CDH13: variants seen among roughly 807,000 people sequenced by gnomAD.
CDH13 encodes cadherin-13.
Under a neutral mutation model 63.8 loss-of-function variants are expected in CDH13, and 24 were observed. That is an observed-to-expected ratio of 0.38 (90% CI 0.27 to 0.53). The LOEUF (loss-of-function observed/expected upper bound fraction) is 0.53, where lower values mean the gene tolerates loss of function less well. Among genes scored for constraint, CDH13 ranks in the 20% least tolerant of loss-of-function variants. CDH13 has a pLI of 0.85. For synonymous variants in CDH13, 503 were observed against 355.3 expected, an observed-to-expected ratio of 1.42 and a Z score of -4.67; for missense variants, 1,049 against 903.1, an observed-to-expected ratio of 1.16 and a Z score of -2.07.
chr16:83,167,499 C>CA (rs11430454), intron 4 of CDH13, among the ~76,000 whole-genome samples: 12,776 of 98,598 alleles, frequency 0.13, 779 homozygotes, highest in East Asian at 0.34. Flanking sequence ...GACCCTTTCC[C>CA]AAAAAAAAAA....
At chr16:83,050,447 G>C (rs1405310625) in intron 3 of CDH13, among the ~76,000 whole-genome samples, 1 of 152,130 alleles carries the variant, frequency 6.6e-6, no homozygotes, top group Non-Finnish European at 1.5e-5. Flanking sequence ...TCCGTTTGCT[G>C]TTTAAGACAC....
intron 4 of CDH13, among the ~76,000 whole-genome samples, chr16:83,157,762 A>T (rs1219754461): frequency 7.1e-6 from 1 of 141,670 alleles, no homozygotes; most frequent in Non-Finnish European, 1.5e-5. Context: ...AAAAAAAAAA[A>T]ATTATCTGGG....
intron 7 of CDH13, among the ~76,000 whole-genome samples, chr16:83,520,728 A>G (rs997184077): frequency 1.3e-5 from 2 of 152,144 alleles, no homozygotes; most frequent in Admixed American, 6.5e-5. Flanking sequence ...GGAATGTGGC[A>G]TCATCAATTT....
chr16:83,295,459 C>A (rs910541504), intron 5 of CDH13, among the ~76,000 whole-genome samples: 3 of 151,840 alleles, frequency 2.0e-5, no homozygotes, highest in African/African-American at 7.3e-5. Flanking sequence ...AAAATATTTG[C>A]AAACTGTACA....
chr16:82,902,923 T>C (rs2151247160), intron 2 of CDH13, among the ~76,000 whole-genome samples: 1 of 152,270 alleles, frequency 6.6e-6, no homozygotes, highest in East Asian at 1.9e-4. Context: ...ATTGGATGGG[T>C]CTTGGAGAAG....
In CDH13 at chr16:82,861,787, C is replaced by T. The variant is rs549997406; in HGVS notation, c.157+3314C>T. 1.2e-4 allele frequency among the ~76,000 whole-genome samples: 18 copies of T among 152,266 alleles called. No homozygotes were observed. In the South Asian group the frequency reaches 3.7e-3, roughly 32 times the overall value. ...TGGACTTGCTTTTGTCTTAAAAACG[C>T]CATTTTTCAACAATATGCTGGGACC... On this transcript the variant is annotated intron_variant, in intron 2 of 13. Coordinates refer to ENST00000567109, the MANE Select transcript of CDH13 (RefSeq NM_001257.5).
intron 2 of CDH13, among the ~76,000 whole-genome samples, chr16:82,925,442 C>G (rs1021966940): frequency 6.6e-6 from 1 of 152,188 alleles, no homozygotes; most frequent in Non-Finnish European, 1.5e-5. Flanking sequence ...ATGGGCTACA[C>G]CAGCTTTATG....
chr16:83,379,858 A>G (rs11862821), intron 6 of CDH13, among the ~76,000 whole-genome samples: 2,285 of 151,022 alleles, frequency 0.015, 61 homozygotes, highest in African/African-American at 0.053. Context: ...ATATAACCCA[A>G]TAATTTCTAT....
intron 4 of CDH13, among the ~76,000 whole-genome samples, chr16:83,155,775 T>C (rs951382009): frequency 6.6e-6 from 1 of 152,114 alleles, no homozygotes; most frequent in African/African-American, 2.4e-5. Flanking sequence ...AAACAGATGA[T>C]ATAAATACAG....
chr16:82,685,419 C>G (rs1914964842), intron 1 of CDH13, among the ~76,000 whole-genome samples: 1 of 152,176 alleles, frequency 6.6e-6, no homozygotes, highest in Non-Finnish European at 1.5e-5. Flanking sequence ...GACCTAATCA[C>G]CTCCCAAAGG....
intron 1 of CDH13, among the ~76,000 whole-genome samples, chr16:82,836,596 G>A (rs2151123448): frequency 6.6e-6 from 1 of 152,294 alleles, no homozygotes; most frequent in African/African-American, 2.4e-5. Flanking sequence ...CTTCAGAAGA[G>A]CACAGATAAG....
At chr16:82,934,037 C>T (rs138771479) in intron 2 of CDH13, among the ~76,000 whole-genome samples, 4 of 152,318 alleles carry the variant, frequency 2.6e-5, no homozygotes, top group African/African-American at 9.6e-5. Flanking sequence ...AGGACAGTGG[C>T]CCTTTTCTCA....
chr16:83,111,273 T>C (rs969745525), intron 3 of CDH13, among the ~76,000 whole-genome samples: 1 of 152,150 alleles, frequency 6.6e-6, no homozygotes, highest in Admixed American at 6.6e-5. Context: ...TAATTTCTAT[T>C]GATATAATAT....
intron 1 of CDH13, among the ~76,000 whole-genome samples, chr16:82,682,121 C>G (rs532613390): frequency 2.6e-4 from 40 of 152,332 alleles, no homozygotes; most frequent in African/African-American, 8.9e-4. Flanking sequence ...AAGACACTGG[C>G]TTGTGTTCAT....
chr16:83,265,046 T>G lies in CDH13; in HGVS notation c.636+47549T>G, dbSNP rs146154155. ...CTTCATTTGTTTAGTGTTCTATGTATTTTTTATTAAATCCTATGCCAAACA... is the reference window on the plus strand; with the variant it reads ...CTTCATTTGTTTAGTGTTCTATGTAGTTTTTATTAAATCCTATGCCAAACA... On this transcript the variant is annotated intron_variant, in intron 5 of 13. Coordinates refer to ENST00000567109, the MANE Select transcript of CDH13 (RefSeq NM_001257.5). Among the ~76,000 whole-genome samples the G allele has an allele frequency of 4.6e-5, 7 of 152,342 alleles. No individual in the cohort carries two copies. In the East Asian group the frequency reaches 1.3e-3, roughly 29 times the overall value.
At chr16:82,669,411 A>G (rs761739469) in intron 1 of CDH13, among the ~76,000 whole-genome samples, 2 of 152,230 alleles carry the variant, frequency 1.3e-5, no homozygotes, top group Non-Finnish European at 2.9e-5. Flanking sequence ...AAGTCTACAG[A>G]GAAAATAGTG....
At chr16:83,281,459 A>C (rs1169160060) in intron 5 of CDH13, among the ~76,000 whole-genome samples, 2 of 152,222 alleles carry the variant, frequency 1.3e-5, no homozygotes, top group Non-Finnish European at 2.9e-5. Context: ...CCACATCAGC[A>C]ATAAGGCAGT....
At chr16:83,501,581 C>G (rs547562038) in intron 7 of CDH13, among the ~76,000 whole-genome samples, 1 of 152,202 alleles carries the variant, frequency 6.6e-6, no homozygotes, top group East Asian at 1.9e-4. Flanking sequence ...CCAGGCATTA[C>G]ATTAGGTCCA....
chr16:82,635,964 G>GT (rs1279673076), intron 1 of CDH13, among the ~76,000 whole-genome samples: 1 of 152,044 alleles, frequency 6.6e-6, no homozygotes, highest in Non-Finnish European at 1.5e-5. Context: ...TGCCACGATT[G>GT]TAAGTTTCCT....
Sources: allele counts gnomAD v4.1 joint callset (sites outside exome capture counted in the v4.1 genomes callset), GRCh38; gene constraint gnomAD v4.1.1; transcripts MANE v1.5; gene names NCBI Gene and HGNC (gene_info 2026-07-23, HGNC 2026-07-21).